Variants in ABLIM3 observed in about 807,000 individuals in gnomAD.
ABLIM3 encodes the protein actin binding LIM protein family member 3.
In ABLIM3, 61 loss-of-function variants were observed where a neutral mutation model predicts 109.5. The ratio of observed to expected loss-of-function variants is 0.56; its 90% CI spans 0.45 to 0.69. ABLIM3 has a LOEUF of 0.69. Ranked by LOEUF, ABLIM3 falls within the 30% of genes least tolerant of loss-of-function variation. The probability of loss-of-function intolerance (pLI) is 0.00; values close to 1 mark genes in which losing one functional copy is unlikely to be tolerated. For synonymous variants in ABLIM3, 300 were observed against 324.8 expected, an observed-to-expected ratio of 0.92 and a Z score of 0.82; for missense variants, 796 against 889.5, an observed-to-expected ratio of 0.89 and a Z score of 1.34.
intron 10 of ABLIM3, among the ~76,000 whole-genome samples, chr5:149,234,340 G>A (rs1282483072): frequency 6.6e-6 from 1 of 152,196 alleles, no homozygotes; most frequent in Non-Finnish European, 1.5e-5. Flanking sequence ...CCTTCCACAA[G>A]CCAAAGGAGC....
At chr5:149,252,656 C>A (rs1465311237) in intron 22 of ABLIM3, 101 bp from the exon 23 acceptor site, 1 of 884,272 alleles carries the variant, frequency 1.1e-6, no homozygotes. Flanking sequence ...TAATTTCTGG[C>A]CATTTCTGGA....
At chr5:149,186,687 G>A (rs1756992270) in intron 3 of ABLIM3, among the ~76,000 whole-genome samples, 1 of 152,056 alleles carries the variant, frequency 6.6e-6, no homozygotes, top group Admixed American at 6.5e-5. Context: ...AGGAAAATGA[G>A]TAACTCACAG....
rs749511224 is a variant in ABLIM3, at chr5:149,210,751, G to A, written c.601G>A (p.Asp201Asn). ...GGATGGTGTTCCATACTGTGAGTCC[G>A]ACTACCATGCCCAGTTTGGCATTAA... ...SKDGVPYCESDYHAQFGIKCE... is the reference protein window; with the variant it reads ...SKDGVPYCESNYHAQFGIKCE... The change falls in exon 7 of 24, where the codon GAC becomes AAC. Residue 201 changes from aspartate (D) to asparagine (N), a missense_variant. Transcript: ENST00000309868. The A allele has an allele frequency of 4.3e-6, 7 of 1,614,020 alleles. No individual in the cohort carries two copies. Among genetic ancestry groups the A allele is most frequent in the South Asian group, 1.1e-5 (1 of 91,060 alleles).
intron 8 of ABLIM3, among the ~76,000 whole-genome samples, chr5:149,229,457 G>A (rs1292680323): frequency 6.6e-6 from 1 of 152,236 alleles, no homozygotes; most frequent in Non-Finnish European, 1.5e-5. Context: ...GAGAGGATGT[G>A]TTAGGGGCTG....
intron 8 of ABLIM3, among the ~76,000 whole-genome samples, chr5:149,226,212 C>T (rs1316494733): frequency 6.6e-6 from 1 of 151,516 alleles, no homozygotes; most frequent in South Asian, 2.1e-4. Context: ...AGAGGCCAGG[C>T]GCAGTGGCTC....
At chr5:149,152,003 G>A (rs190423046) in intron 2 of ABLIM3, among the ~76,000 whole-genome samples, 13 of 152,172 alleles carry the variant, frequency 8.5e-5, no homozygotes, top group African/African-American at 2.7e-4. Flanking sequence ...AAAGGGACAC[G>A]TCTTATTTGC....
intron 2 of ABLIM3, among the ~76,000 whole-genome samples, chr5:149,182,259 T>C (rs767337160): frequency 2.0e-5 from 3 of 152,208 alleles, no homozygotes; most frequent in Non-Finnish European, 2.9e-5. Flanking sequence ...AAACGATAGG[T>C]ACCAATTCCC....
chr5:149,179,986 A>G (rs1756317617), intron 2 of ABLIM3, among the ~76,000 whole-genome samples: 1 of 152,186 alleles, frequency 6.6e-6, no homozygotes, highest in Non-Finnish European at 1.5e-5. Context: ...AGTAATGTTA[A>G]AAGAAGCCAG....
Position 149,257,839 on chromosome 5 carries a change from T to C in ABLIM3, c.1939-452T>C, listed in dbSNP as rs184173497. Reference sequence around the variant, plus strand: ...TCATTGACTGGCCTGATGAACAGCCTTCCAGATCATTTGTTAAAACATCAG... The same window carrying C: ...TCATTGACTGGCCTGATGAACAGCCCTCCAGATCATTTGTTAAAACATCAG... On this transcript the variant is annotated intron_variant, in intron 23 of 23. Transcript: ENST00000309868. 5.9e-5 allele frequency among the ~76,000 whole-genome samples: 9 copies of C among 152,310 alleles called. No homozygotes were observed. In the East Asian group the frequency reaches 1.5e-3, roughly 26 times the overall value.
intron 6 of ABLIM3, among the ~76,000 whole-genome samples, chr5:149,207,933 A>T (rs1759158640): frequency 6.6e-6 from 1 of 152,256 alleles, no homozygotes; most frequent in Admixed American, 6.5e-5. Flanking sequence ...ACCTAAAAGT[A>T]ATTATCAGCA....
chr5:149,253,134 T>C (rs1270538850), intron 23 of ABLIM3, among the ~76,000 whole-genome samples: 1 of 152,104 alleles, frequency 6.6e-6, no homozygotes, highest in Non-Finnish European at 1.5e-5. Context: ...ATTCAGTTAG[T>C]GTCTGTGGTG....
At chr5:149,256,087 T>G (rs1487513223) in intron 23 of ABLIM3, among the ~76,000 whole-genome samples, 2 of 152,204 alleles carry the variant, frequency 1.3e-5, no homozygotes, top group Admixed American at 6.5e-5. Context: ...AAATGTCAGA[T>G]GGACAGTAGT....
At chr5:149,184,391 T>C (rs1756755886) in intron 3 of ABLIM3, among the ~76,000 whole-genome samples, 1 of 152,222 alleles carries the variant, frequency 6.6e-6, no homozygotes, top group African/African-American at 2.4e-5. Context: ...TTTGTTGATC[T>C]TATATTTGTC....
chr5:149,209,626 A>T (rs547968432), intron 6 of ABLIM3, among the ~76,000 whole-genome samples: 1 of 152,250 alleles, frequency 6.6e-6, no homozygotes, highest in South Asian at 2.1e-4. Flanking sequence ...TTGTTGGCTC[A>T]TCACATCCAC....
Position 149,259,352 on chromosome 5 carries a change from C to A in ABLIM3, c.*948C>A. 1 of 1,443,928 alleles carries A rather than the reference C, an allele frequency of 6.9e-7. No individual in the cohort carries two copies. Among genetic ancestry groups the A allele is most frequent in the Non-Finnish European group, 9.1e-7 (1 of 1,102,596 alleles). The allele number at this position is 1,443,928 out of a possible 1,614,324, so 89.4% of individuals were successfully genotyped here. A position where few individuals can be genotyped will look rare whatever the true frequency, so the allele number is the denominator to read the frequency against. On this transcript the variant is annotated 3_prime_UTR_variant, in exon 24 of 24. Coordinates refer to ENST00000309868, the MANE Select transcript of ABLIM3 (RefSeq NM_014945.5). The stretch of plus-strand genomic sequence containing the variant: ...ATGTGCCTGACAACTCAACACACCG[C>A]AGGGCTAATGTTCCCACCAGAGCTC...
At chr5:149,241,525 C>A (rs147828111) in intron 14 of ABLIM3, among the ~76,000 whole-genome samples, 5 of 152,284 alleles carry the variant, frequency 3.3e-5, no homozygotes, top group African/African-American at 1.2e-4. Flanking sequence ...CTTTGGGAGG[C>A]CGAGGCGTGT....
At chr5:149,141,803 C>T (rs978514763) in intron 1 of ABLIM3, 149 bp downstream of exon 1, 2 of 489,968 alleles carry the variant, frequency 4.1e-6, no homozygotes, top group Admixed American at 3.6e-5. Context: ...CTGCCAACCC[C>T]ACTTCTGCCC....
At chr5:149,201,329 G>A (rs1401314712) in intron 5 of ABLIM3, among the ~76,000 whole-genome samples, 1 of 152,080 alleles carries the variant, frequency 6.6e-6, no homozygotes, top group Non-Finnish European at 1.5e-5. Context: ...CACTGGCCTC[G>A]ACAAGAAAAT....
intron 2 of ABLIM3, among the ~76,000 whole-genome samples, chr5:149,160,347 T>C (rs1754234128): frequency 6.6e-6 from 1 of 151,596 alleles, no homozygotes; most frequent in Non-Finnish European, 1.5e-5. Context: ...TAATCACAGC[T>C]ACTCAAGAGG....
Sources: allele counts gnomAD v4.1 joint callset (sites outside exome capture counted in the v4.1 genomes callset), GRCh38; gene constraint gnomAD v4.1.1; transcripts MANE v1.5; gene names NCBI Gene and HGNC (gene_info 2026-07-23, HGNC 2026-07-21).